Variants in UBR4 observed in about 807,000 individuals in gnomAD.
The protein encoded by UBR4 is ubiquitin protein ligase E3 component n-recognin 4.
UBR4 carries 124 observed loss-of-function variants against 575.6 expected under a neutral mutation model. The observed-to-expected ratio is 0.22, with a 90% CI of 0.19 to 0.25. The LOEUF (loss-of-function observed/expected upper bound fraction) is 0.25. Ranked by LOEUF, UBR4 falls within the 10% of genes least tolerant of loss-of-function variation. The pLI, the probability that UBR4 is intolerant of heterozygous loss-of-function variation, is 1.00. For missense variants in UBR4, 4,818 were observed against 6,478.8 expected (o/e 0.74, Z 8.80); for synonymous variants, 2,455 against 2,473.7 (o/e 0.99, Z 0.22).
chr1:19,209,709 C>A (rs1206306353), intron 1 of UBR4, among the ~76,000 whole-genome samples: 2 of 152,184 alleles, frequency 1.3e-5, no homozygotes, highest in Non-Finnish European at 2.9e-5. Flanking sequence ...CCGGCCCAGG[C>A]TAGGAGGATG....
At chr1:19,150,524 T>A in intron 49 of UBR4, 53 bp downstream of exon 49, 1 of 1,579,592 alleles carries the variant, frequency 6.3e-7, no homozygotes, top group Non-Finnish European at 8.7e-7. Flanking sequence ...AGGAAGGTTC[T>A]GCAGTGAGTG....
At chr1:19,173,793 T>C (rs35866479) in intron 22 of UBR4, among the ~76,000 whole-genome samples, 172 bp from the exon 23 acceptor site, 4,131 of 152,320 alleles carry the variant, frequency 0.027, 202 homozygotes, top group Admixed American at 0.13. Flanking sequence ...AGAGTGCACC[T>C]AGCAGAAAAT....
At chr1:19,154,157 T>G (rs527568366) in intron 44 of UBR4, among the ~76,000 whole-genome samples, 1 of 152,304 alleles carries the variant, frequency 6.6e-6, no homozygotes, top group Admixed American at 6.5e-5. Flanking sequence ...ATTTGGAGTC[T>G]CCACTGTGAG....
chr1:19,192,837 C>T (rs959369140), intron 9 of UBR4, among the ~76,000 whole-genome samples: 5 of 151,792 alleles, frequency 3.3e-5, no homozygotes, highest in African/African-American at 7.3e-5. Flanking sequence ...GGCTGGAGTA[C>T]GATGGCGTGA....
chr1:19,197,841 AC>A, intron 6 of UBR4, 30 bp from the exon 7 acceptor site: 6 of 1,613,548 alleles, frequency 3.7e-6, no homozygotes, highest in Non-Finnish European at 5.1e-6. Context: ...AACCTTACAA[AC>A]AGGCCTTTGT....
At chr1:19,087,007 C>T (rs560537968) in intron 99 of UBR4, among the ~76,000 whole-genome samples, 186 bp from the exon 100 acceptor site, 17 of 152,296 alleles carry the variant, frequency 1.1e-4, no homozygotes, top group Admixed American at 1.1e-3. Flanking sequence ...CTTGGCTGGC[C>T]GCAGCCCTAG....
At chr1:19,095,812 T>G in intron 92 of UBR4, 160 bp from the exon 93 acceptor site, 1 of 603,648 alleles carries the variant, frequency 1.7e-6, no homozygotes, top group Non-Finnish European at 2.9e-6. Flanking sequence ...GGGGACATGG[T>G]GAGATGGCTG....
At chr1:19,136,683 T>C (rs903427686) in intron 60 of UBR4, among the ~76,000 whole-genome samples, 12 of 152,156 alleles carry the variant, frequency 7.9e-5, no homozygotes, top group African/African-American at 2.2e-4. Context: ...AACTCAACTA[T>C]ATCAAATAGA....
intron 60 of UBR4, among the ~76,000 whole-genome samples, chr1:19,136,820 T>A (rs2083249152): frequency 6.6e-6 from 1 of 152,194 alleles, no homozygotes. Context: ...AAGATTTTTT[T>A]AAAACTCTAT....
chr1:19,155,406 C>T (rs566132449), intron 43 of UBR4, 35 bp downstream of exon 43: 11 of 1,578,924 alleles, frequency 7.0e-6, no homozygotes, highest in African/African-American at 1.4e-5. Context: ...ATAATTAAAT[C>T]CGGAATAGAA....
At chr1:19,114,993 G>C in intron 74 of UBR4, 44 bp from the exon 75 acceptor site, 1 of 1,612,768 alleles carries the variant, frequency 6.2e-7, no homozygotes, top group Non-Finnish European at 8.5e-7. Context: ...ACAAGGCTGG[G>C]TGGGGTGGGG....
chr1:19,147,916 G>A (rs2085094400), intron 51 of UBR4, 77 bp downstream of exon 51: 2 of 1,559,152 alleles, frequency 1.3e-6, no homozygotes, highest in South Asian at 1.2e-5. Context: ...TTGCTGTGCT[G>A]TTGCTTTACA....
chr1:19,153,766 A>T lies in UBR4; in HGVS notation c.6630+2T>A. On this transcript the variant is annotated splice_donor_variant, in intron 45 of 105. Transcript: ENST00000375254. LOFTEE classifies it high-confidence loss of function. The surrounding 1 kb of genome is among the most constrained non-coding windows in gnomAD (Gnocchi z 4.1). ...TAATGAATGGGAAAATCTGGCACTGACCTTCGCTTTAGCAGGAAGAGTCTT... is the reference window on the plus strand; with the variant it reads ...TAATGAATGGGAAAATCTGGCACTGTCCTTCGCTTTAGCAGGAAGAGTCTT... 1 of 1,613,264 alleles carries T rather than the reference A, an allele frequency of 6.2e-7. No homozygotes were observed. Among genetic ancestry groups the T allele is most frequent in the Non-Finnish European group, 8.5e-7 (1 of 1,179,610 alleles).
chr1:19,120,446 C>T, intron 68 of UBR4, 98 bp from the exon 69 acceptor site: 1 of 1,441,236 alleles, frequency 6.9e-7, no homozygotes, highest in East Asian at 2.3e-5. Context: ...GGAATTCTGT[C>T]CATTTCTAAA....
chr1:19,201,858 T>A, intron 1 of UBR4, 43 bp from the exon 2 acceptor site: 2 of 1,564,806 alleles, frequency 1.3e-6, no homozygotes, highest in Non-Finnish European at 1.8e-6. Context: ...GCTTAGCGCT[T>A]ACTATGTGCC....
intron 55 of UBR4, among the ~76,000 whole-genome samples, chr1:19,142,480 T>C (rs1042941816): frequency 5.9e-5 from 9 of 152,238 alleles, no homozygotes; most frequent in African/African-American, 1.9e-4. Context: ...TCTAGGTTCT[T>C]GCTAGGGAAA....
chr1:19,074,727 T>C lies in UBR4; in HGVS notation c.*105A>G, dbSNP rs2075754763. 4 of 1,249,284 alleles carry C rather than the reference T, an allele frequency of 3.2e-6. No homozygotes were observed. Among genetic ancestry groups the C allele is most frequent in the African/African-American group, 3.1e-5 (2 of 64,864 alleles). 77.4% of individuals were successfully genotyped at this position (1,249,284 alleles called of 1,614,324 possible). A position where few individuals can be genotyped will look rare whatever the true frequency, so the allele number is the denominator to read the frequency against. On this transcript the variant is annotated 3_prime_UTR_variant, in exon 106 of 106. Transcript: ENST00000375254. ...AAAAATGAGAGAGGGGAGGGCGGGG[T>C]AACAATGCAGCATCCCGCGGAGGGA...
At chr1:19,082,021 C>G (rs2076566103) in intron 102 of UBR4, 2 of 560,214 alleles carry the variant, frequency 3.6e-6, no homozygotes, top group Non-Finnish European at 3.2e-6. Context: ...CAGCCTGACT[C>G]CCCCTTGCTC....
chr1:19,105,014 G>A (rs2149159228), intron 85 of UBR4, 34 bp downstream of exon 85: 1 of 1,606,280 alleles, frequency 6.2e-7, no homozygotes, highest in Non-Finnish European at 8.5e-7. Flanking sequence ...GGGGAATTAG[G>A]GAAGGGGCTC....
Sources: gnomAD v4.1 joint callset for allele counts (sites outside exome capture counted in the v4.1 genomes callset) on GRCh38, gnomAD v4.1.1 for gene constraint, Gnocchi (gnomAD v3.1) non-coding constraint, MANE v1.5 for transcripts, NCBI Gene and HGNC (gene_info 2026-07-23, HGNC 2026-07-21) for gene names.